MTMR8: variants seen among roughly 807,000 people sequenced by gnomAD.
MTMR8 encodes phosphatidylinositol-3,5-bisphosphate 3-phosphatase MTMR8.
A neutral mutation model predicts 39.3 loss-of-function variants in MTMR8; 65 were observed. That is an observed-to-expected ratio of 1.65 (90% CI 1.35 to 2.03). The LOEUF (loss-of-function observed/expected upper bound fraction) is 2.03, where lower values mean the gene tolerates loss of function less well. MTMR8 is among the 30% of genes most tolerant of loss of function. The pLI, the probability that MTMR8 is intolerant of heterozygous loss-of-function variation, is 0.00. For missense variants in MTMR8, 777 were observed against 538.9 expected (o/e 1.44, Z -4.37); for synonymous variants, 245 against 185.2 (o/e 1.32, Z -2.62).
Position 64,318,093 on chromosome X carries a change from A to T in MTMR8, c.1481+10679T>A, listed in dbSNP as rs776593448. ...TTCCTCTGATCATATCCAAGTGGGG[A>T]GGGGAAGAGTTACCTTATTACCACT... is the stretch of plus-strand genomic sequence containing the variant. On this transcript the variant is annotated intron_variant, in intron 12 of 13. Coordinates refer to ENST00000374852, the MANE Select transcript of MTMR8 (RefSeq NM_017677.4). Among the ~76,000 whole-genome samples the T allele has an allele frequency of 1.4e-3, 156 of 112,275 alleles. 1 individual carries two copies. Among genetic ancestry groups the T allele is most frequent in the Non-Finnish European group, 2.5e-3 (132 of 53,202 alleles).
intron 12 of MTMR8, 45 bp downstream of exon 12, chrX:64,328,727 C>A: frequency 2.7e-6 from 3 of 1,115,044 alleles, no homozygotes; most frequent in South Asian, 2.4e-5. Flanking sequence ...AAGCTGAGAC[C>A]CTGGGACCTG....
At chrX:64,281,625 C>G (rs920564358) in intron 12 of MTMR8, among the ~76,000 whole-genome samples, 1 of 111,753 alleles carries the variant, frequency 8.9e-6, no homozygotes, top group Admixed American at 9.5e-5. Context: ...CAATACCATT[C>G]AGAAAATAGG....
At chrX:64,368,841 A>T (rs1352730252) in intron 1 of MTMR8, among the ~76,000 whole-genome samples, 2 of 112,239 alleles carry the variant, frequency 1.8e-5, no homozygotes, top group Non-Finnish European at 1.9e-5. Context: ...AATTGGAGAA[A>T]ATTTTTGCAA....
chrX:64,321,544 A>G (rs1444620105), intron 12 of MTMR8, among the ~76,000 whole-genome samples: 1 of 111,479 alleles, frequency 9.0e-6, no homozygotes, highest in African/African-American at 3.3e-5. Context: ...TGTGAGACAA[A>G]AAGAAAGAAA....
chrX:64,270,474 C>T lies in MTMR8; in HGVS notation c.1608+473G>A, dbSNP rs146162771. On this transcript the variant is annotated intron_variant, in intron 13 of 13. Coordinates refer to ENST00000374852, the MANE Select transcript of MTMR8 (RefSeq NM_017677.4). Reference sequence around the variant, plus strand: ...AAGAAATACTTTTTGACTTCTGTAACCTGTAATTAAAAAACAAGTGTCCAA... The same window carrying T: ...AAGAAATACTTTTTGACTTCTGTAATCTGTAATTAAAAAACAAGTGTCCAA... Among the ~76,000 whole-genome samples, 4 of 112,233 alleles carry T rather than the reference C, an allele frequency of 3.6e-5. No individual in the cohort carries two copies. In the East Asian group the frequency reaches 1.1e-3, roughly 32 times the overall value.
At chrX:64,337,181 C>CA (rs771596318) in intron 9 of MTMR8, 87 bp downstream of exon 9, 344 of 1,047,835 alleles carry the variant, frequency 3.3e-4, no homozygotes, top group African/African-American at 2.9e-3. Flanking sequence ...CTAACTCTGG[C>CA]AAAAAAAATA....
intron 11 of MTMR8, 64 bp downstream of exon 11, chrX:64,331,493 G>A (rs1323061665): frequency 9.8e-7 from 1 of 1,023,672 alleles, no homozygotes; most frequent in Non-Finnish European, 1.4e-6. Flanking sequence ...CAGGGTGGTA[G>A]GTACATTCTT....
chrX:64,346,020 T>A (rs1051931663), intron 6 of MTMR8, among the ~76,000 whole-genome samples: 17 of 112,222 alleles, frequency 1.5e-4, no homozygotes, highest in African/African-American at 4.8e-4. Context: ...ACCAACTGTT[T>A]TAACACTATG....
intron 12 of MTMR8, among the ~76,000 whole-genome samples, chrX:64,277,193 T>C (rs925309538): frequency 2.7e-5 from 3 of 112,014 alleles, no homozygotes; most frequent in Admixed American, 9.5e-5. Flanking sequence ...GTCTTGACTC[T>C]ATCCAATTTG....
intron 12 of MTMR8, among the ~76,000 whole-genome samples, chrX:64,281,792 T>C (rs1932019998): frequency 9.0e-6 from 1 of 110,504 alleles, no homozygotes. Context: ...TTTTGCAATC[T>C]ACCCATCTGA....
intron 1 of MTMR8, among the ~76,000 whole-genome samples, chrX:64,392,611 GT>G (rs966835800): frequency 5.4e-5 from 6 of 110,125 alleles, no homozygotes; most frequent in Non-Finnish European, 7.6e-5. Context: ...TTTTGTTTTT[GT>G]TTTTTTTAAT....
intron 6 of MTMR8, 126 bp downstream of exon 6, chrX:64,348,534 C>A (rs1923402634): frequency 1.2e-6 from 1 of 856,064 alleles, no homozygotes; most frequent in East Asian, 3.4e-5. Context: ...TGATTTTACA[C>A]AATGTCTGAC....
intron 12 of MTMR8, among the ~76,000 whole-genome samples, chrX:64,296,054 C>T (rs764508222): frequency 2.1e-4 from 23 of 111,985 alleles, no homozygotes; most frequent in Non-Finnish European, 3.9e-4. Context: ...GTAGAAGCAA[C>T]CCAGATGTCC....
chrX:64,386,808 C>T (rs1305523591), intron 1 of MTMR8, among the ~76,000 whole-genome samples: 3 of 110,867 alleles, frequency 2.7e-5, no homozygotes, highest in Non-Finnish European at 5.7e-5. Context: ...CTTTGGGAGG[C>T]CCAAGTAGGA....
intron 12 of MTMR8, among the ~76,000 whole-genome samples, chrX:64,295,750 C>T (rs1191531646): frequency 9.0e-6 from 1 of 111,098 alleles, no homozygotes; most frequent in African/African-American, 3.3e-5. Flanking sequence ...ATCGAAACCA[C>T]GAGATACTAC....
intron 10 of MTMR8, among the ~76,000 whole-genome samples, chrX:64,333,488 T>C (rs1421765761): frequency 2.7e-5 from 3 of 112,150 alleles, no homozygotes; most frequent in Non-Finnish European, 5.6e-5. Flanking sequence ...TCGTTTGGAC[T>C]GGAACTTTCA....
At chrX:64,354,640 C>A in intron 4 of MTMR8, 137 bp downstream of exon 4, 1 of 619,783 alleles carries the variant, frequency 1.6e-6, no homozygotes, top group Non-Finnish European at 2.4e-6. Context: ...CAATAAATGT[C>A]TGTTGAATGG....
chrX:64,289,538 G>A (rs1262782084), intron 12 of MTMR8, among the ~76,000 whole-genome samples: 3 of 104,292 alleles, frequency 2.9e-5, no homozygotes, highest in Non-Finnish European at 5.8e-5. Context: ...TTGGGAGGCT[G>A]AAGTGGGAGG....
chrX:64,359,369 T>C (rs1368535247), intron 2 of MTMR8, 36 bp downstream of exon 2: 1 of 1,184,935 alleles, frequency 8.4e-7, no homozygotes, highest in African/African-American at 1.8e-5. Flanking sequence ...TGCACAACTC[T>C]TTAAGACTCT....
Sources: allele counts gnomAD v4.1 joint callset (sites outside exome capture counted in the v4.1 genomes callset), GRCh38; gene constraint gnomAD v4.1.1; transcripts MANE v1.5; gene names NCBI Gene and HGNC (gene_info 2026-07-23, HGNC 2026-07-21).